SRCAP: variants seen among roughly 807,000 people sequenced by gnomAD.
SRCAP encodes chromatin remodeling protein SRCAP.
In SRCAP, 46 loss-of-function variants were observed where a neutral mutation model predicts 263.1. That is an observed-to-expected ratio of 0.17 (90% CI 0.14 to 0.22). The LOEUF (loss-of-function observed/expected upper bound fraction) is 0.22, where lower values mean the gene tolerates loss of function less well. SRCAP is among the 10% of genes least tolerant of loss of function. The pLI is 1.00. For synonymous variants in SRCAP, 1,813 were observed against 1,662.1 expected, an observed-to-expected ratio of 1.09 and a Z score of -2.21; for missense variants, 3,695 against 4,181.9, an observed-to-expected ratio of 0.88 and a Z score of 3.21.
At chr16:30,730,338 C>CGTTTAAACCACAAGAGCATTT (rs11268096) in intron 27 of SRCAP, among the ~76,000 whole-genome samples, 1 of 152,158 alleles carries the variant, frequency 6.6e-6, no homozygotes, top group East Asian at 1.9e-4. Context: ...AACTAACAGT[C>CGTTTAAACCACAAGAGCATTT]ATTGTTTTCT....
At chr16:30,700,392 T>G (rs550532512) in intron 2 of SRCAP, among the ~76,000 whole-genome samples, 16 of 152,340 alleles carry the variant, frequency 1.1e-4, no homozygotes, top group Non-Finnish European at 1.2e-4. Flanking sequence ...AAGTCAATAT[T>G]TGTTATGCTG....
Position 30,738,516 on chromosome 16 carries a change from A to T in SRCAP, c.8476A>T (p.Ile2826Phe). The change falls in exon 34 of 34, where the codon ATT becomes TTT. Residue 2826 changes from isoleucine (I) to phenylalanine (F), a missense_variant. Physicochemically the swap from Ile to Phe is conservative, Grantham distance 21 (BLOSUM62 0). Coordinates refer to ENST00000262518, the MANE Select transcript of SRCAP (RefSeq NM_006662.3). ...GCCCACTCCACCCCAGCAGCCCTTC[A>T]TTGCTCGCCGTCACATTGAGCTGGG... is the stretch of plus-strand genomic sequence containing the variant. Reference protein sequence around the residue: ...SLPTPPQQPFIARRHIELGVT... With the variant: ...SLPTPPQQPFFARRHIELGVT... The T allele has an allele frequency of 6.2e-7, 1 of 1,611,668 alleles. No homozygotes were observed. The highest frequency in any genetic ancestry group is 8.5e-7 in the Non-Finnish European group (1 of 1,178,790).
chr16:30,734,403 C>T, intron 30 of SRCAP, 93 bp from the exon 31 acceptor site: 4 of 1,555,944 alleles, frequency 2.6e-6, no homozygotes, highest in South Asian at 1.2e-5. Flanking sequence ...ACCAGTGGTA[C>T]CCCTGACAGT....
chr16:30,734,682 T>C, intron 31 of SRCAP, 67 bp downstream of exon 31: 4 of 1,604,590 alleles, frequency 2.5e-6, no homozygotes, highest in Non-Finnish European at 3.4e-6. Flanking sequence ...CTTTTGTTAG[T>C]CTGTTGAGCT....
rs1186879542 is a variant in SRCAP at position 30,712,912 on chromosome 16, T to TA, written c.2130+105dup. The stretch of plus-strand genomic sequence containing the variant: ...ATTCCTTTCTCTCCTCTTTCTTTTT[T>TA]AAAAAAAATTTTTTAATTTTTTGTA... On this transcript the variant is annotated intron_variant, in intron 14 of 33. Transcript: ENST00000262518. 22 of 1,443,636 alleles carry TA rather than the reference T, an allele frequency of 1.5e-5. 1 individual carries two copies. The highest frequency in any genetic ancestry group is 2.5e-4 in the Middle Eastern group (1 of 3,974). The allele number at this position is 1,443,636 out of a possible 1,614,324, so 89.4% of individuals were successfully genotyped here.
At chr16:30,700,583 CTGTCT>C in intron 2 of SRCAP, 28 bp from the exon 3 acceptor site, 1 of 418,548 alleles carries the variant, frequency 2.4e-6, no homozygotes, top group Non-Finnish European at 4.3e-6. Flanking sequence ...AACTGCATTT[CTGTCT>C]TTTTTTTTTT....
Position 30,712,780 on chromosome 16 carries a change from T to C in SRCAP, c.2095T>C (p.Tyr699His), listed in dbSNP as rs1314698893. 4 of 1,614,046 alleles carry C rather than the reference T, an allele frequency of 2.5e-6. No homozygotes were observed. The highest frequency in any genetic ancestry group is 1.7e-5 in the Admixed American group (1 of 59,992). ...CCCCAGCTTTAAAATCCTCACTTACTATGGAGCCCAGAAAGAGAGGAAGCT... is the reference window on the plus strand; with the variant it reads ...CCCCAGCTTTAAAATCCTCACTTACCATGGAGCCCAGAAAGAGAGGAAGCT... ...WCPSFKILTYYGAQKERKLKR... is the reference protein window; with the variant it reads ...WCPSFKILTYHGAQKERKLKR... Residue 699 changes from tyrosine (Y) to histidine (H), a missense_variant, in exon 14 of 34, where the codon TAT (tyrosine) becomes CAT (histidine). By Grantham distance (83) the Tyr-to-His change is moderately conservative. This residue lies in a region of SRCAP where 121 missense variants were observed against 330.7 expected (regional missense o/e 0.37). Coordinates refer to ENST00000262518, the MANE Select transcript of SRCAP (RefSeq NM_006662.3).
intron 18 of SRCAP, among the ~76,000 whole-genome samples, chr16:30,718,287 C>T (rs1049504883): frequency 6.6e-6 from 1 of 151,986 alleles, no homozygotes; most frequent in East Asian, 1.9e-4. Context: ...AGTGATTCTC[C>T]TGCCTCAGCC....
Position 30,724,820 on chromosome 16 carries a change from G to T in SRCAP, c.5396G>T (p.Gly1799Val), listed in dbSNP as rs2053047584. The stretch of plus-strand genomic sequence containing the variant: ...AGCCCTGCCCCAGTTCCTACCCTGG[G>T]CCCGGCCGCAGCTCAGACCTTGGCG... ...TLSPAPVPTL[G>V]PAAAQTLALA... Residue 1799 changes from glycine (G) to valine (V), a missense_variant, in exon 25 of 34, where the codon GGC (glycine) becomes GTC (valine). Transcript: ENST00000262518. 6.2e-7 allele frequency: 1 copy of T among 1,613,670 alleles called. No individual in the cohort carries two copies. Among genetic ancestry groups the T allele is most frequent in the South Asian group, 1.1e-5 (1 of 91,084 alleles).
At chr16:30,736,462 T>G in intron 32 of SRCAP, 68 bp downstream of exon 32, 1 of 1,609,974 alleles carries the variant, frequency 6.2e-7, no homozygotes, top group Non-Finnish European at 8.5e-7. Flanking sequence ...CCTTTTGTCT[T>G]CCCTGGTGGG....
rs181491375 is a variant in SRCAP at position 30,724,724 on chromosome 16, C to T, written c.5300C>T (p.Thr1767Met). ...CCAGTGGGCCCAGCCCCAGCTCACACGCTGACTTTGGCTCCAGCATCGTCA... is the reference window on the plus strand; with the variant it reads ...CCAGTGGGCCCAGCCCCAGCTCACATGCTGACTTTGGCTCCAGCATCGTCA... ...ASPVGPAPAH[T>M]LTLAPASSSA... The change falls in exon 25 of 34, where the codon ACG becomes ATG. Residue 1767 changes from threonine (T) to methionine (M), a missense_variant. Physicochemically the swap from Thr to Met is moderately conservative, Grantham distance 81. Around this residue, in one of 12 missense-constraint regions of SRCAP, gnomAD observed 1,347 missense variants for 1,304.4 expected, o/e 1.03. Coordinates refer to ENST00000262518, the MANE Select transcript of SRCAP (RefSeq NM_006662.3). 1.7e-4 allele frequency: 282 copies of T among 1,614,138 alleles called. 1 individual carries two copies. The highest frequency in any genetic ancestry group is 6.5e-4 in the Admixed American group (39 of 60,022).
At position 30,711,046 on chromosome 16, in the gene SRCAP, G is replaced by A. The variant is rs1235747441; in HGVS notation, c.1276G>A (p.Glu426Lys). The change falls in exon 10 of 34, where the codon GAG (glutamate) becomes AAG (lysine). Residue 426 changes from glutamate to lysine, a missense_variant. Physicochemically the swap from Glu to Lys is moderately conservative, Grantham distance 56. Around this residue, in one of 12 missense-constraint regions of SRCAP, gnomAD observed 288 missense variants for 302.4 expected, o/e 0.95. Transcript: ENST00000262518. ...AGCAGCTGAGGAACAGTTGGAAGGG[G>A]AGGTGGATCATGCCATGGAGCTGAG... ...TIAAEEQLEG[E>K]VDHAMELSEL... The A allele has an allele frequency of 6.2e-7, 1 of 1,614,136 alleles. No individual in the cohort carries two copies. The highest frequency in any genetic ancestry group is 8.5e-7 in the Non-Finnish European group (1 of 1,180,022).
Position 30,738,003 on chromosome 16 carries a change from C to T in SRCAP, c.7963C>T (p.Pro2655Ser). Residue 2655 changes from proline to serine, a missense_variant, in exon 34 of 34, where the codon CCA becomes TCA. Physicochemically the swap from Pro to Ser is moderately conservative, Grantham distance 74 (BLOSUM62 -1). Coordinates refer to ENST00000262518, the MANE Select transcript of SRCAP (RefSeq NM_006662.3). ...CVSESNGLEL[P>S]PSAASDEPLQ... Reference sequence around the variant, plus strand: ...GAGTGAGAGCAATGGCCTGGAGCTCCCACCCTCAGCAGCATCTGATGAGCC... The same window carrying T: ...GAGTGAGAGCAATGGCCTGGAGCTCTCACCCTCAGCAGCATCTGATGAGCC... The T allele has an allele frequency of 6.2e-7, 1 of 1,614,058 alleles. No homozygotes were observed.
Position 30,733,837 on chromosome 16 carries a change from T to C in SRCAP, c.6494+39T>C. The stretch of plus-strand genomic sequence containing the variant: ...TTCCCTCACCTTACTTTCCGTTTAC[T>C]GATGGGGTTTCCTGGATATATTTGG... On this transcript the variant is annotated intron_variant, in intron 29 of 33. Transcript: ENST00000262518. The surrounding 1 kb of genome is among the most constrained non-coding windows in gnomAD (Gnocchi z 5.3). The C allele has an allele frequency of 1.2e-6, 2 of 1,612,084 alleles. No homozygotes were observed. The highest frequency in any genetic ancestry group is 1.7e-6 in the Non-Finnish European group (2 of 1,178,522).
At position 30,704,361 on chromosome 16, in the gene SRCAP, G is replaced by T. The variant is rs371147268; in HGVS notation, c.306+46G>T. ...TGAAGATTCTTGGGAGTTATCTTCC[G>T]TAAACTCCCACGTCCTCTTGAGTAT... is the stretch of plus-strand genomic sequence containing the variant. On this transcript the variant is annotated intron_variant, in intron 4 of 33. Transcript: ENST00000262518. 4.6e-6 allele frequency: 7 copies of T among 1,536,970 alleles called. No individual in the cohort carries two copies. In the South Asian group the frequency reaches 7.5e-5, roughly 17 times the overall value.
At position 30,734,536 on chromosome 16, in the gene SRCAP, C is replaced by T; in HGVS notation, c.6650C>T (p.Pro2217Leu). Residue 2217 changes from proline (P) to leucine (L), a missense_variant, in exon 31 of 34, where the codon CCT becomes CTT. Pro to Leu is a moderately conservative substitution (Grantham distance 98). Coordinates refer to ENST00000262518, the MANE Select transcript of SRCAP (RefSeq NM_006662.3). ...CTGTTTGATATGCCCCTGGAGGAACCTTCTAGCTCATCCGTGCCCTCTGCC... is the reference window on the plus strand; with the variant it reads ...CTGTTTGATATGCCCCTGGAGGAACTTTCTAGCTCATCCGTGCCCTCTGCC... Reference protein sequence around the residue: ...RELFDMPLEEPSSSSVPSAPE... With the variant: ...RELFDMPLEELSSSSVPSAPE... 7 of 1,613,952 alleles carry T rather than the reference C, an allele frequency of 4.3e-6. No homozygotes were observed. Among genetic ancestry groups the T allele is most frequent in the Non-Finnish European group, 5.9e-6 (7 of 1,180,004 alleles).
At chr16:30,731,381 TGG>T (rs2053113100) in intron 27 of SRCAP, among the ~76,000 whole-genome samples, 2 of 152,314 alleles carry the variant, frequency 1.3e-5, no homozygotes, top group Non-Finnish European at 2.9e-5. Flanking sequence ...GAATGGCTAT[TGG>T]GTAAGTGACT....
intron 16 of SRCAP, among the ~76,000 whole-genome samples, chr16:30,714,356 G>A (rs1395493505): frequency 6.6e-6 from 1 of 150,738 alleles, no homozygotes; most frequent in Non-Finnish European, 1.5e-5. Context: ...GAGCCACCGC[G>A]CCCGGCCTAC....
intron 18 of SRCAP, among the ~76,000 whole-genome samples, chr16:30,718,908 T>C (rs1432373106): frequency 6.6e-6 from 1 of 152,110 alleles, no homozygotes; most frequent in Non-Finnish European, 1.5e-5. Flanking sequence ...TACTTTTTTT[T>C]TTTTTTGATA....
Sources: gnomAD v4.1 joint callset for allele counts (sites outside exome capture counted in the v4.1 genomes callset) on GRCh38, gnomAD v4.1.1 for gene constraint, gnomAD v4.1.1 regional missense constraint, Gnocchi (gnomAD v3.1) non-coding constraint, MANE v1.5 for transcripts, NCBI Gene and HGNC (gene_info 2026-07-23, HGNC 2026-07-21) for gene names.